The following MTCL2 variants were observed in gnomAD, a reference collection of about 807,000 sequenced individuals.
MTCL2 encodes microtubule cross-linking factor 2.
At chr20:36,786,921 G>T in the MTCL2 span, among the ~76,000 whole-genome samples, 1 of 152,186 alleles carries the variant, frequency 6.6e-6, no homozygotes, top group Non-Finnish European at 1.5e-5. Flanking sequence ...TTACCAAAAT[G>T]ACAGCTTATT....
chr20:36,781,685 A>C, the MTCL2 span: 1 of 151,136 alleles, frequency 6.6e-6, no homozygotes, highest in East Asian at 1.9e-4. Flanking sequence ...CTGTCTCTAA[A>C]AATAATAATA....
chr20:36,818,374 A>T, the MTCL2 span, among the ~76,000 whole-genome samples: 1 of 152,256 alleles, frequency 6.6e-6, no homozygotes, highest in Non-Finnish European at 1.5e-5. Flanking sequence ...AGAGTTTGAG[A>T]CCAGCCTGGC....
the MTCL2 span, among the ~76,000 whole-genome samples, chr20:36,825,568 C>T: frequency 1.3e-5 from 2 of 152,332 alleles, no homozygotes; most frequent in African/African-American, 2.4e-5. Context: ...CAGGGTCTGC[C>T]ACCTCCCTTC....
the MTCL2 span, among the ~76,000 whole-genome samples, chr20:36,850,350 G>A: frequency 1.3e-5 from 2 of 152,006 alleles, no homozygotes; most frequent in Non-Finnish European, 2.9e-5. Context: ...TCAACATGGC[G>A]AAACCGTCTC....
chr20:36,841,058 C>T, the MTCL2 span, among the ~76,000 whole-genome samples: 716 of 149,838 alleles, frequency 4.8e-3, 7 homozygotes, highest in African/African-American at 0.017. Context: ...ACCTCTAATC[C>T]CGGCACTTTG....
At chr20:36,811,995 T>C in the MTCL2 span, among the ~76,000 whole-genome samples, 3 of 152,184 alleles carry the variant, frequency 2.0e-5, no homozygotes, top group East Asian at 3.8e-4. Flanking sequence ...CTACCCAGAA[T>C]TCCCTGAGGA....
At chr20:36,847,600 C>T in the MTCL2 span, among the ~76,000 whole-genome samples, 1 of 152,048 alleles carries the variant, frequency 6.6e-6, no homozygotes, top group African/African-American at 2.4e-5. Context: ...CGCCTGTAAT[C>T]GCAACACTTT....
the MTCL2 span, among the ~76,000 whole-genome samples, chr20:36,818,127 G>A: frequency 1.3e-5 from 2 of 152,220 alleles, no homozygotes; most frequent in Non-Finnish European, 2.9e-5. Context: ...GTGTAATTCA[G>A]CTTCCAGCTC....
chr20:36,815,340 C>T, the MTCL2 span: 2 of 1,613,842 alleles, frequency 1.2e-6, no homozygotes, highest in Non-Finnish European at 1.7e-6. This position sits in a 1 kb window ranked among gnomAD's most constrained non-coding sequence, Gnocchi z 5.3. Flanking sequence ...GGGGCCCTCG[C>T]TGTTGTCGGG....
the MTCL2 span, among the ~76,000 whole-genome samples, chr20:36,837,910 T>C: frequency 1.3e-5 from 2 of 152,134 alleles, no homozygotes; most frequent in Non-Finnish European, 2.9e-5. Flanking sequence ...TATAACCCTG[T>C]GAGATAGAGA....
the MTCL2 span, among the ~76,000 whole-genome samples, chr20:36,840,907 C>T: frequency 1.3e-5 from 2 of 151,938 alleles, no homozygotes; most frequent in Non-Finnish European, 2.9e-5. Flanking sequence ...CTGTGCTAAG[C>T]GCAGGGGCAG....
chr20:36,844,302 C>A, the MTCL2 span, among the ~76,000 whole-genome samples: 2 of 150,952 alleles, frequency 1.3e-5, no homozygotes, highest in Non-Finnish European at 3.0e-5. Context: ...ACCCCTGTAA[C>A]CCCAGCACTC....
At chr20:36,824,670 T>TC in the MTCL2 span, among the ~76,000 whole-genome samples, 35 of 151,862 alleles carry the variant, frequency 2.3e-4, no homozygotes, top group Admixed American at 6.6e-4. Context: ...ATTTTTTTTT[T>TC]CAGACAGGGT....
At chr20:36,794,803 A>G in the MTCL2 span, 1 of 642,692 alleles carries the variant, frequency 1.6e-6, no homozygotes, top group Non-Finnish European at 2.7e-6. The surrounding 1 kb of genome is among the most constrained non-coding windows in gnomAD (Gnocchi z 5.4). Flanking sequence ...AGGTCTTGAT[A>G]TGTCACCCAG....
the MTCL2 span, among the ~76,000 whole-genome samples, chr20:36,823,252 G>T: frequency 9.2e-5 from 14 of 152,316 alleles, no homozygotes; most frequent in South Asian, 2.9e-3. Context: ...AGGACAGATG[G>T]AGCCAACTGC....
chr20:36,789,666 A>G, the MTCL2 span, among the ~76,000 whole-genome samples: 2 of 148,192 alleles, frequency 1.3e-5, no homozygotes, highest in Admixed American at 6.7e-5. Context: ...CTCCGTCTCA[A>G]AAAAAAAAAA....
the MTCL2 span, among the ~76,000 whole-genome samples, chr20:36,833,713 T>C: frequency 6.6e-6 from 1 of 152,120 alleles, no homozygotes; most frequent in Admixed American, 6.6e-5. Context: ...TAGCAGGGCA[T>C]GATGGTGTGT....
At chr20:36,802,873 G>C in the MTCL2 span, 1 of 1,578,662 alleles carries the variant, frequency 6.3e-7, no homozygotes, top group Middle Eastern at 1.7e-4. Flanking sequence ...AGGCGGTTCT[G>C]CAGCTCCTTC....
At chr20:36,787,232 A>AT in the MTCL2 span, among the ~76,000 whole-genome samples, 13 of 150,968 alleles carry the variant, frequency 8.6e-5, no homozygotes. Flanking sequence ...CGCTTTTTTT[A>AT]TTTTTTTATT....
Sources: allele counts gnomAD v4.1 joint callset (sites outside exome capture counted in the v4.1 genomes callset), GRCh38; gene constraint gnomAD v4.1.1; non-coding constraint Gnocchi (gnomAD v3.1); transcripts MANE v1.5; gene names NCBI Gene and HGNC (gene_info 2026-07-23, HGNC 2026-07-21).